CARD14: variants seen among roughly 807,000 people sequenced by gnomAD.
CARD14 encodes caspase recruitment domain-containing protein 14.
In CARD14, 107 loss-of-function variants were observed where a neutral mutation model predicts 111.5. The ratio of observed to expected loss-of-function variants is 0.96; its 90% confidence interval spans 0.82 to 1.13. The LOEUF is 1.13. Among genes scored for constraint, CARD14 ranks in the 50% most tolerant of loss-of-function variants. CARD14 has a pLI of 0.00. For synonymous variants in CARD14, 617 were observed against 579.6 expected, an observed-to-expected ratio of 1.06 and a Z score of -0.93; for missense variants, 1,322 against 1,362.3, an observed-to-expected ratio of 0.97 and a Z score of 0.47.
At position 80,203,260 on chromosome 17, in the gene CARD14, ACT is replaced by A. The variant is rs1325588739; in HGVS notation, c.2220-559_2220-558del. ...ACTCCAGCCTGGGCGACAGAGTGAG[ACT>A]CTGTCTCAAAAAAAAAAAAAAAGAA... On this transcript the variant is annotated intron_variant, in intron 18 of 23. Transcript: ENST00000648509. This position sits in a 1 kb window ranked among gnomAD's most constrained non-coding sequence, Gnocchi z 4.6. 1 of 146,408 alleles carries A rather than the reference ACT, an allele frequency of 6.8e-6. No homozygotes were observed. Among genetic ancestry groups the A allele is most frequent in the East Asian group, 2.0e-4 (1 of 4,890 alleles). The allele number at this position is 146,408 out of a possible 1,614,324, so 9.1% of individuals were successfully genotyped here. A position where few individuals can be genotyped will look rare whatever the true frequency, so the allele number is the denominator to read the frequency against.
chr17:80,195,588 G>C lies in CARD14; in HGVS notation c.1530G>C (p.Pro510=). 1.9e-6 allele frequency: 3 copies of C among 1,612,838 alleles called. No homozygotes were observed. Among genetic ancestry groups the C allele is most frequent in the Non-Finnish European group, 2.5e-6 (3 of 1,179,836 alleles). Residue 510 remains proline (P), a synonymous_variant, in exon 14 of 24, where the codon CCG becomes CCC. Coordinates refer to ENST00000648509, the MANE Select transcript of CARD14 (RefSeq NM_001366385.1). This position sits in a 1 kb window ranked among gnomAD's most constrained non-coding sequence, Gnocchi z 4.7. The stretch of plus-strand genomic sequence containing the variant: ...GCCTGGAGATCCCGGAGGGAGACCC[G>C]GGAGCCCTGCCGGGAGCTAAGGCAG... ...SSCLEIPEGD[P]GALPGAKAGD...
chr17:80,184,847 T>C (rs2040292307), intron 7 of CARD14, among the ~76,000 whole-genome samples: 1 of 149,536 alleles, frequency 6.7e-6, no homozygotes, highest in Non-Finnish European at 1.5e-5. Flanking sequence ...AGTTGGTCTC[T>C]GTCGTCCTCC....
chr17:80,208,377 C>T lies in CARD14; in HGVS notation c.*32C>T. The T allele has an allele frequency of 6.6e-7, 1 of 1,526,624 alleles. No individual in the cohort carries two copies. The highest frequency in any genetic ancestry group is 8.9e-7 in the Non-Finnish European group (1 of 1,125,750). 94.6% of individuals were successfully genotyped at this position (1,526,624 alleles called of 1,614,324 possible). ...GTGCCCCTTCCCGGGACTGTGGGGGCTTCTGTGTGCCTGTTAATGCAGTCC... is the reference window on the plus strand; with the variant it reads ...GTGCCCCTTCCCGGGACTGTGGGGGTTTCTGTGTGCCTGTTAATGCAGTCC... On this transcript the variant is annotated 3_prime_UTR_variant, in exon 24 of 24. Transcript: ENST00000648509.
At chr17:80,174,900 T>A (rs568435847) in intron 2 of CARD14, among the ~76,000 whole-genome samples, 2 of 152,282 alleles carry the variant, frequency 1.3e-5, no homozygotes, top group Non-Finnish European at 2.9e-5. Context: ...AGGGTTGCGC[T>A]GGCACCTGTG....
At chr17:80,204,966 C>G (rs2041202688) in intron 20 of CARD14, 69 bp from the exon 21 acceptor site, 2 of 1,361,082 alleles carry the variant, frequency 1.5e-6, no homozygotes, top group Non-Finnish European at 2.0e-6. Context: ...CCCAGTCCCT[C>G]CCGGGGCAGG....
chr17:80,181,798 G>T (rs2040185614), intron 5 of CARD14, 149 bp downstream of exon 5: 2 of 715,180 alleles, frequency 2.8e-6, no homozygotes, highest in Admixed American at 3.0e-5. Context: ...GGATAACCAG[G>T]ATGATCTGAT....
Position 80,189,655 on chromosome 17 carries a change from C to G in CARD14, c.844-98C>G, listed in dbSNP as rs1225291538. 17 of 1,369,800 alleles carry G rather than the reference C, an allele frequency of 1.2e-5. No individual in the cohort carries two copies. Among genetic ancestry groups the G allele is most frequent in the African/African-American group, 3.1e-5 (2 of 65,368 alleles). The allele number at this position is 1,369,800 out of a possible 1,614,324, so 84.9% of individuals were successfully genotyped here. ...TGGCAAGACTGCATCCGTCCACACA[C>G]CTGACCGTGCAGTTGCCGCCATCTT... On this transcript the variant is annotated intron_variant, in intron 8 of 23. Coordinates refer to ENST00000648509, the MANE Select transcript of CARD14 (RefSeq NM_001366385.1). The surrounding 1 kb of genome is among the most constrained non-coding windows in gnomAD (Gnocchi z 4.7).
At chr17:80,176,648 T>C (rs1454996545) in intron 2 of CARD14, among the ~76,000 whole-genome samples, 2 of 152,168 alleles carry the variant, frequency 1.3e-5, no homozygotes, top group East Asian at 3.9e-4. Flanking sequence ...CCCTCGGTGA[T>C]GCAGGGCAGG....
chr17:80,170,978 C>A (rs1392991748), intron 1 of CARD14, among the ~76,000 whole-genome samples: 1 of 150,898 alleles, frequency 6.6e-6, no homozygotes, highest in African/African-American at 2.4e-5. Context: ...GTAGCTGGGA[C>A]TATAGGTGCA....
At chr17:80,204,004 A>C in intron 19 of CARD14, 119 bp downstream of exon 19, 1 of 885,876 alleles carries the variant, frequency 1.1e-6, no homozygotes. Context: ...GGGTAACCCC[A>C]CCTGTCTCTC....
At chr17:80,190,026 G>T (rs893246004) in intron 9 of CARD14, among the ~76,000 whole-genome samples, 154 bp downstream of exon 9, 8 of 152,042 alleles carry the variant, frequency 5.3e-5, no homozygotes, top group African/African-American at 1.7e-4. Flanking sequence ...CCCTTTGTCA[G>T]CGCCACCCTA....
At chr17:80,207,666 G>A (rs1448101652) in intron 23 of CARD14, 2 of 160,130 alleles carry the variant, frequency 1.2e-5, no homozygotes, top group African/African-American at 4.8e-5. Context: ...CTTTTACAGT[G>A]GGCAAAAGTA....
intron 2 of CARD14, among the ~76,000 whole-genome samples, chr17:80,175,524 G>A (rs946282653): frequency 6.6e-6 from 1 of 152,128 alleles, no homozygotes; most frequent in Non-Finnish European, 1.5e-5. Flanking sequence ...AAGCCCAGAC[G>A]CCTCTGCAGG....
intron 2 of CARD14, among the ~76,000 whole-genome samples, chr17:80,177,394 T>TA (rs1323760902): frequency 6.6e-6 from 1 of 152,010 alleles, no homozygotes; most frequent in Non-Finnish European, 1.5e-5. Flanking sequence ...ACCTGGCTAA[T>TA]TAAAAAAAAA....
In CARD14 at chr17:80,188,120, G is replaced by T; in HGVS notation, c.676-257G>T. On this transcript the variant is annotated intron_variant, in intron 7 of 23. Transcript: ENST00000648509. The surrounding 1 kb of genome is among the most constrained non-coding windows in gnomAD (Gnocchi z 4.5). Reference sequence around the variant, plus strand: ...TCAAGGCCTCTTGGTCTATTCCTGGGACCCTAACCCTGGATGGAGTTCAAC... The same window carrying T: ...TCAAGGCCTCTTGGTCTATTCCTGGTACCCTAACCCTGGATGGAGTTCAAC... 1 of 491,712 alleles carries T rather than the reference G, an allele frequency of 2.0e-6. No homozygotes were observed. Among genetic ancestry groups the T allele is most frequent in the Non-Finnish European group, 2.9e-6 (1 of 342,512 alleles). 30.5% of individuals were successfully genotyped at this position (491,712 alleles called of 1,614,324 possible).
At chr17:80,186,595 C>G (rs745363305) in intron 7 of CARD14, among the ~76,000 whole-genome samples, 43 of 152,170 alleles carry the variant, frequency 2.8e-4, no homozygotes, top group Non-Finnish European at 5.6e-4. Flanking sequence ...GCTTCCCAAG[C>G]TGGAGTGCAG....
intron 17 of CARD14, 109 bp from the exon 18 acceptor site, chr17:80,202,071 T>C: frequency 1.6e-6 from 2 of 1,243,326 alleles, no homozygotes; most frequent in South Asian, 1.4e-5. Context: ...CCAGAGCAGC[T>C]TCTGAGACTG....
At chr17:80,183,047 G>A (rs986273750) in intron 6 of CARD14, among the ~76,000 whole-genome samples, 4 of 152,214 alleles carry the variant, frequency 2.6e-5, no homozygotes, top group South Asian at 2.1e-4. Flanking sequence ...ACCCCTGAGC[G>A]GTAGGGTGGG....
intron 1 of CARD14, chr17:80,170,310 T>C (rs12944619): frequency 0.73 from 111,303 of 152,116 alleles, 40,963 homozygotes; most frequent in Middle Eastern, 0.86. Flanking sequence ...TAAAACAGCA[T>C]GGGTCATGCT....
Sources: gnomAD v4.1 joint callset for allele counts (sites outside exome capture counted in the v4.1 genomes callset) on GRCh38, gnomAD v4.1.1 for gene constraint, Gnocchi (gnomAD v3.1) non-coding constraint, MANE v1.5 for transcripts, NCBI Gene and HGNC (gene_info 2026-07-23, HGNC 2026-07-21) for gene names.